ENOSF1: variants seen among roughly 807,000 people sequenced by gnomAD.
The protein encoded by ENOSF1 is mitochondrial enolase superfamily member 1.
A neutral mutation model predicts 68.2 loss-of-function variants in ENOSF1; 73 were observed. That is an observed-to-expected ratio of 1.07 (90% CI 0.89 to 1.30). ENOSF1 has a LOEUF of 1.30. Ranked by LOEUF, ENOSF1 falls within the 50% of genes most tolerant of loss-of-function variation. The pLI, the probability that ENOSF1 is intolerant of heterozygous loss-of-function variation, is 0.00. For synonymous variants in ENOSF1, 223 were observed against 210.4 expected (o/e 1.06, Z -0.52); for missense variants, 589 against 554.5 (o/e 1.06, Z -0.62).
chr18:709,308 G>GCCGC (rs1267036358), intron 1 of ENOSF1, among the ~76,000 whole-genome samples: 35 of 152,218 alleles, frequency 2.3e-4, no homozygotes, highest in African/African-American at 8.2e-4. Flanking sequence ...GGAAGAAGGG[G>GCCGC]CCAGTGGAGG....
In ENOSF1 at chr18:693,923, G is replaced by C. The variant is rs1376181785; in HGVS notation, c.397-15C>G. 1.2e-6 allele frequency: 2 copies of C among 1,613,758 alleles called. No individual in the cohort carries two copies. The highest frequency in any genetic ancestry group is 2.7e-5 in the African/African-American group (2 of 75,018). ...TTCCAGACAGGCTTGAAGTAAAAAA[G>C]AAAGGATTTGTAAGACATATGTGTA... On this transcript the variant is annotated splice_polypyrimidine_tract_variant and intron_variant, in intron 4 of 15. Coordinates refer to ENST00000647584, the MANE Select transcript of ENOSF1 (RefSeq NM_017512.7).
rs1191542942 is a variant in ENOSF1, at chr18:690,918, GCT to G, written c.535+148_535+149del. On this transcript the variant is annotated intron_variant, in intron 7 of 15. Coordinates refer to ENST00000647584, the MANE Select transcript of ENOSF1 (RefSeq NM_017512.7). The stretch of plus-strand genomic sequence containing the variant: ...TGCAGTCAGAGGTCATACCCAGCAG[GCT>G]TCACCATGCAGACTTGAATGTTGAT... 4.6e-5 allele frequency: 54 copies of G among 1,168,704 alleles called. 1 individual carries two copies. Among genetic ancestry groups the G allele is most frequent in the South Asian group, 4.6e-4 (30 of 65,356 alleles). The allele number at this position is 1,168,704 out of a possible 1,614,324, so 72.4% of individuals were successfully genotyped here. A position where few individuals can be genotyped will look rare whatever the true frequency, so the allele number is the denominator to read the frequency against.
At position 679,350 on chromosome 18, in the gene ENOSF1, G is replaced by T. The variant is rs572304486; in HGVS notation, c.877-613C>A. ...TCAGCCTCCTGAGTAGCTGGGATTA[G>T]AGGTGCACGCCACCATGCTGGCTAA... On this transcript the variant is annotated intron_variant, in intron 11 of 15. Transcript: ENST00000647584. Among the ~76,000 whole-genome samples, 10 of 151,488 alleles carry T rather than the reference G, an allele frequency of 6.6e-5. No homozygotes were observed. In the East Asian group the frequency reaches 1.2e-3, roughly 18 times the overall value.
chr18:685,921 C>G lies in ENOSF1; in HGVS notation c.741G>C (p.Leu247Phe). 1 of 1,612,790 alleles carries G rather than the reference C, an allele frequency of 6.2e-7. No individual in the cohort carries two copies. The highest frequency in any genetic ancestry group is 1.7e-5 in the Admixed American group (1 of 60,000). ...IRDMIGPEKT[L>F]MMDANQRWDV... ...CTTAGTGGTGTGAGAGGATATTTACCAAAGTCTTTTCCGGTCCAATCATGT... is the reference window on the plus strand; with the variant it reads ...CTTAGTGGTGTGAGAGGATATTTACGAAAGTCTTTTCCGGTCCAATCATGT... Residue 247 changes from leucine (L) to phenylalanine (F), a missense_variant and splice_region_variant, in exon 10 of 16, where the codon TTG becomes TTC. Transcript: ENST00000647584.
chr18:693,689 C>A (rs2077433093), intron 5 of ENOSF1, 193 bp downstream of exon 5: 2 of 985,334 alleles, frequency 2.0e-6, no homozygotes, highest in Non-Finnish European at 2.4e-6. Context: ...TGCCACCCTG[C>A]CTGCATGAGC....
At position 672,757 on chromosome 18, in the gene ENOSF1, G is replaced by C; in HGVS notation, c.*1548C>G. On this transcript the variant is annotated 3_prime_UTR_variant, in exon 16 of 16. Coordinates refer to ENST00000647584, the MANE Select transcript of ENOSF1 (RefSeq NM_017512.7). ...GACAGGATCATACTCCTGTAAAATA[G>C]AACTTTGTTGATCACATCCTGTGTA... The C allele has an allele frequency of 1.5e-6, 2 of 1,321,000 alleles. No homozygotes were observed. The highest frequency in any genetic ancestry group is 2.1e-6 in the Non-Finnish European group (2 of 972,576). 81.8% of individuals were successfully genotyped at this position (1,321,000 alleles called of 1,614,324 possible). A position where few individuals can be genotyped will look rare whatever the true frequency, so the allele number is the denominator to read the frequency against.
chr18:677,790 C>A lies in ENOSF1; in HGVS notation c.1001G>T (p.Ser334Ile). 1 of 1,614,196 alleles carries A rather than the reference C, an allele frequency of 6.2e-7. No homozygotes were observed. The highest frequency in any genetic ancestry group is 8.5e-7 in the Non-Finnish European group (1 of 1,180,024). ...FLQIDSCRLG[S>I]VNENLSVLLM... ...CAATACTGAGAGGTTCTCATTGACA[C>A]TGCCCAGTCTGCAACTGTCAATCTG... The change falls in exon 13 of 16, where the codon AGT becomes ATT. Residue 334 changes from serine (S) to isoleucine (I), a missense_variant. By Grantham distance (142) the Ser-to-Ile change is moderately radical (BLOSUM62 -2). Coordinates refer to ENST00000647584, the MANE Select transcript of ENOSF1 (RefSeq NM_017512.7).
At chr18:677,568 G>A in intron 13 of ENOSF1, 124 bp from the exon 14 acceptor site, 1 of 1,260,156 alleles carries the variant, frequency 7.9e-7, no homozygotes, top group Non-Finnish European at 1.1e-6. Flanking sequence ...ATTTAGGAAG[G>A]AAATTCCAAG....
At chr18:694,627 CAA>C (rs1304863597) in intron 3 of ENOSF1, among the ~76,000 whole-genome samples, 24 of 107,756 alleles carry the variant, frequency 2.2e-4, no homozygotes, top group Admixed American at 3.1e-4. Context: ...GACTCTGTCT[CAA>C]AAAAAAAAAA....
intron 10 of ENOSF1, 41 bp downstream of exon 10, chr18:685,880 A>C: frequency 2.1e-6 from 3 of 1,447,426 alleles, no homozygotes; most frequent in Non-Finnish European, 2.9e-6. Context: ...TTAGCCCTGG[A>C]CAAAGGCTAC....
downstream of ENOSF1, among the ~76,000 whole-genome samples, chr18:666,607 G>T (rs906592562): frequency 6.6e-6 from 1 of 152,196 alleles, no homozygotes; most frequent in East Asian, 1.9e-4. Flanking sequence ...TCTCATCTAA[G>T]GGGACAGTCA....
intron 11 of ENOSF1, among the ~76,000 whole-genome samples, chr18:682,330 C>T (rs1219502640): frequency 2.0e-5 from 3 of 152,114 alleles, no homozygotes; most frequent in Non-Finnish European, 2.9e-5. Context: ...CTGTTCTGAA[C>T]GCTGCAGGCA....
chr18:698,508 C>T (rs957245854), intron 2 of ENOSF1, among the ~76,000 whole-genome samples: 2 of 152,194 alleles, frequency 1.3e-5, no homozygotes, highest in African/African-American at 4.8e-5. Flanking sequence ...ACTGTCTTAA[C>T]ATGAAATTTC....
intron 2 of ENOSF1, among the ~76,000 whole-genome samples, chr18:702,100 C>T (rs1401841325): frequency 6.7e-6 from 1 of 150,216 alleles, no homozygotes. Context: ...CCTGTCTCTA[C>T]AAAAAATACA....
chr18:698,070 A>G (rs1372605006), intron 2 of ENOSF1, among the ~76,000 whole-genome samples: 2 of 152,276 alleles, frequency 1.3e-5, no homozygotes, highest in Non-Finnish European at 2.9e-5. Context: ...CTGGGATTAC[A>G]GGCATAAGCC....
In ENOSF1 at chr18:694,297, G is replaced by T. The variant is rs562867470; in HGVS notation, c.347C>A (p.Ala116Glu). The change falls in exon 4 of 16, where the codon GCG becomes GAG. Residue 116 changes from alanine (A) to glutamate (E), a missense_variant. Physicochemically the swap from Ala to Glu is moderately radical, Grantham distance 107 (BLOSUM62 -1). Coordinates refer to ENST00000647584, the MANE Select transcript of ENOSF1 (RefSeq NM_017512.7). ...GTCCCACACCGCGTTTAGGACGGCC[G>T]CTGTCGCCAGGTGCACCACGCCCTT... is the stretch of plus-strand genomic sequence containing the variant. ...PEKGVVHLATAAVLNAVWDLW... is the reference protein window; with the variant it reads ...PEKGVVHLATEAVLNAVWDLW... 1.2e-6 allele frequency: 2 copies of T among 1,614,162 alleles called. No individual in the cohort carries two copies. The highest frequency in any genetic ancestry group is 2.2e-5 in the South Asian group (2 of 91,080).
downstream of ENOSF1, chr18:667,807 G>A (rs2074887585): frequency 6.6e-6 from 1 of 152,150 alleles, no homozygotes; most frequent in Admixed American, 6.5e-5. Context: ...TCCGTAGGAT[G>A]TGAGGCCAGT....
At chr18:690,256 G>A (rs1016657995) in intron 8 of ENOSF1, among the ~76,000 whole-genome samples, 2 of 152,188 alleles carry the variant, frequency 1.3e-5, no homozygotes, top group Non-Finnish European at 2.9e-5. Context: ...AGAAGCACAG[G>A]TGACAACGTG....
chr18:706,366 T>A (rs1056145145), intron 2 of ENOSF1, 104 bp downstream of exon 2: 154 of 806,214 alleles, frequency 1.9e-4, no homozygotes, highest in Admixed American at 3.0e-4. Context: ...AAAAACAAGA[T>A]CAGAACTCAA....
Sources: gnomAD v4.1 joint callset for allele counts (sites outside exome capture counted in the v4.1 genomes callset) on GRCh38, gnomAD v4.1.1 for gene constraint, MANE v1.5 for transcripts, NCBI Gene and HGNC (gene_info 2026-07-23, HGNC 2026-07-21) for gene names.